Variants in ERBIN observed in about 807,000 individuals in gnomAD.
ERBIN encodes the protein densin-180-like protein.
Under a neutral mutation model 158.4 loss-of-function variants are expected in ERBIN, and 60 were observed. The observed-to-expected ratio is 0.38, with a 90% CI of 0.31 to 0.47. The LOEUF (loss-of-function observed/expected upper bound fraction) is 0.47, where lower values mean the gene tolerates loss of function less well. ERBIN is among the 20% of genes least tolerant of loss of function. The probability of loss-of-function intolerance (pLI) is 0.99; values close to 1 mark genes in which losing one functional copy is unlikely to be tolerated. For missense variants in ERBIN, 1,610 were observed against 1,648.0 expected (o/e 0.98, Z 0.40); for synonymous variants, 594 against 557.2 (o/e 1.07, Z -0.93).
At chr5:66,047,107 A>G (rs1476289803) in intron 18 of ERBIN, among the ~76,000 whole-genome samples, 2 of 151,912 alleles carry the variant, frequency 1.3e-5, no homozygotes, top group Non-Finnish European at 1.5e-5. Flanking sequence ...GAAATTCCAT[A>G]CTCTTTACCT....
At chr5:65,961,032 A>G (rs1747848338) in intron 1 of ERBIN, among the ~76,000 whole-genome samples, 1 of 152,228 alleles carries the variant, frequency 6.6e-6, no homozygotes, top group South Asian at 2.1e-4. Context: ...CCCTATCCAT[A>G]TGTGTTTAAT....
At chr5:66,052,791 T>G (rs769937392) in intron 20 of ERBIN, among the ~76,000 whole-genome samples, 1 of 152,208 alleles carries the variant, frequency 6.6e-6, no homozygotes, top group Non-Finnish European at 1.5e-5. Flanking sequence ...TACAGCTAGC[T>G]ACTTAGAAGA....
chr5:66,036,552 GT>G (rs1561406726), intron 14 of ERBIN, among the ~76,000 whole-genome samples: 2 of 152,196 alleles, frequency 1.3e-5, no homozygotes, highest in African/African-American at 4.8e-5. Flanking sequence ...CCTCCTGTAT[GT>G]TCTTCTTGCA....
Position 65,930,334 on chromosome 5 carries a change from C to T in ERBIN, c.-58+3528C>T, listed in dbSNP as rs915098141. ...TGCTTTGTTTATTTTGAGATGGAGT[C>T]TTGCTCTGTCGCCCAGGCTGGAGTG... On this transcript the variant is annotated intron_variant, in intron 1 of 25. Transcript: ENST00000284037. 1.1e-4 allele frequency among the ~76,000 whole-genome samples: 17 copies of T among 152,148 alleles called. 1 individual carries two copies. The East Asian group carries it at 2.5e-3, about 22-fold the overall frequency.
chr5:66,079,521 C>T lies in ERBIN; in HGVS notation c.*991C>T, dbSNP rs918090751. On this transcript the variant is annotated 3_prime_UTR_variant, in exon 26 of 26. Coordinates refer to ENST00000284037, the MANE Select transcript of ERBIN (RefSeq NM_001253697.2). ...GTGTTGCCTGTAACACAAAATGTTA[C>T]GAAGGTTTAGGAAAGCCTCTTTGAT... 2.0e-5 allele frequency: 3 copies of T among 151,708 alleles called. No homozygotes were observed. The highest frequency in any genetic ancestry group is 2.9e-5 in the Non-Finnish European group (2 of 68,000). 9.4% of individuals were successfully genotyped at this position (151,708 alleles called of 1,614,324 possible). A position where few individuals can be genotyped will look rare whatever the true frequency, so the allele number is the denominator to read the frequency against.
intron 1 of ERBIN, among the ~76,000 whole-genome samples, chr5:65,963,463 T>G (rs980105370): frequency 3.3e-5 from 5 of 152,204 alleles, no homozygotes; most frequent in African/African-American, 1.2e-4. Flanking sequence ...CTGGGCATGG[T>G]GGCAGGTGCC....
In ERBIN at chr5:66,024,374, A is replaced by G; in HGVS notation, c.741A>G (p.Glu247=). Residue 247 remains glutamate (E), a synonymous_variant, in exon 10 of 26, where the codon GAA becomes GAG. Coordinates refer to ENST00000284037, the MANE Select transcript of ERBIN (RefSeq NM_001253697.2). Reference sequence around the variant, plus strand: ...AAAATAATATTGAAATGGTTGAAGAAGGAATTTCAACATGTGAAAACCTTC... The same window carrying G: ...AAAATAATATTGAAATGGTTGAAGAGGGAATTTCAACATGTGAAAACCTTC... ...VSKNNIEMVE[E]GISTCENLQD... 1 of 1,602,410 alleles carries G rather than the reference A, an allele frequency of 6.2e-7. No homozygotes were observed. The highest frequency in any genetic ancestry group is 8.5e-7 in the Non-Finnish European group (1 of 1,173,350).
intron 21 of ERBIN, among the ~76,000 whole-genome samples, chr5:66,067,012 C>T (rs963712391): frequency 1.3e-5 from 2 of 152,170 alleles, no homozygotes; most frequent in African/African-American, 4.8e-5. Context: ...GTTAATCAGG[C>T]CACTTGAGTC....
In ERBIN at chr5:66,079,859, G is replaced by T. The variant is rs925420993; in HGVS notation, c.*1329G>T. 2.0e-5 allele frequency: 3 copies of T among 152,204 alleles called. No individual in the cohort carries two copies. Among genetic ancestry groups the T allele is most frequent in the Non-Finnish European group, 4.4e-5 (3 of 68,000 alleles). The allele number at this position is 152,204 out of a possible 1,614,324, so 9.4% of individuals were successfully genotyped here. Reference sequence around the variant, plus strand: ...CTAGTTACTGTAACAAATATTTGATGATAGAGGTTTATTAATTTTGTTTAT... The same window carrying T: ...CTAGTTACTGTAACAAATATTTGATTATAGAGGTTTATTAATTTTGTTTAT... On this transcript the variant is annotated 3_prime_UTR_variant, in exon 26 of 26. Coordinates refer to ENST00000284037, the MANE Select transcript of ERBIN (RefSeq NM_001253697.2).
intron 21 of ERBIN, among the ~76,000 whole-genome samples, chr5:66,061,554 G>A (rs1477709551): frequency 6.6e-6 from 1 of 152,160 alleles, no homozygotes; most frequent in African/African-American, 2.4e-5. Flanking sequence ...TTTAAGGTTA[G>A]TAGTGTTATG....
At chr5:66,078,151 T>C (rs1762187077) in intron 25 of ERBIN, among the ~76,000 whole-genome samples, 1 of 152,204 alleles carries the variant, frequency 6.6e-6, no homozygotes, top group South Asian at 2.1e-4. Context: ...ATTAGCATTA[T>C]ACGACACCAT....
chr5:65,960,682 AAGAGAGGCATTGCTATCCTTG>A (rs1468379522), intron 1 of ERBIN, among the ~76,000 whole-genome samples: 4 of 152,192 alleles, frequency 2.6e-5, no homozygotes, highest in Non-Finnish European at 5.9e-5. Context: ...AATTATAATT[AAGAGAGGCATTGCTATCCTTG>A]ACAAGATTTT....
intron 1 of ERBIN, among the ~76,000 whole-genome samples, chr5:65,963,358 A>G (rs1285748227): frequency 6.6e-6 from 1 of 152,202 alleles, no homozygotes; most frequent in Non-Finnish European, 1.5e-5. Flanking sequence ...TCTGTCAACT[A>G]TATCTAGAGT....
At chr5:65,939,486 C>T (rs1744514068) in intron 1 of ERBIN, among the ~76,000 whole-genome samples, 1 of 152,032 alleles carries the variant, frequency 6.6e-6, no homozygotes, top group South Asian at 2.1e-4. Context: ...AGCATCTTCA[C>T]CAAGAGAGGT....
chr5:65,940,587 CCTA>C (rs1377642933), intron 1 of ERBIN, among the ~76,000 whole-genome samples: 56 of 127,358 alleles, frequency 4.4e-4, no homozygotes, highest in Middle Eastern at 4.1e-3. Flanking sequence ...CCCGGCCGCC[CCTA>C]CTGGGAAGTG....
chr5:66,004,285 A>C (rs1221560516), intron 4 of ERBIN, among the ~76,000 whole-genome samples: 2 of 152,064 alleles, frequency 1.3e-5, no homozygotes, highest in Admixed American at 1.3e-4. Flanking sequence ...GTCAAAGAAG[A>C]AGCATTATTT....
At chr5:66,040,242 C>T (rs1033122834) in intron 15 of ERBIN, among the ~76,000 whole-genome samples, 10 of 151,770 alleles carry the variant, frequency 6.6e-5, no homozygotes, top group Admixed American at 3.9e-4. Context: ...TTACTCATCC[C>T]GCCTCTAAAC....
chr5:66,015,382 T>G (rs1187596408), intron 7 of ERBIN, among the ~76,000 whole-genome samples: 1 of 2,280 alleles, frequency 4.4e-4, no homozygotes, highest in East Asian at 7.8e-4. Flanking sequence ...CTGTCAATTT[T>G]TGTAAACAAG....
chr5:66,071,584 T>A (rs1761534483), intron 21 of ERBIN, among the ~76,000 whole-genome samples: 1 of 152,142 alleles, frequency 6.6e-6, no homozygotes, highest in Admixed American at 6.5e-5. Flanking sequence ...AAAGCAAATT[T>A]TATATTCATT....
Sources: allele counts gnomAD v4.1 joint callset (sites outside exome capture counted in the v4.1 genomes callset), GRCh38; gene constraint gnomAD v4.1.1; transcripts MANE v1.5; gene names NCBI Gene and HGNC (gene_info 2026-07-23, HGNC 2026-07-21).